Variants in POTEJ observed in about 807,000 individuals in gnomAD.
POTEJ encodes POTE ankyrin domain family member J.
POTEJ carries 11 observed loss-of-function variants against 69.0 expected under a neutral mutation model. The ratio of observed to expected loss-of-function variants is 0.16; its 90% CI spans 0.10 to 0.26. The LOEUF is 0.26. Ranked by LOEUF, POTEJ falls within the 10% of genes least tolerant of loss-of-function variation. POTEJ has a pLI of 1.00. For missense variants in POTEJ, 327 were observed against 1,045.5 expected, an observed-to-expected ratio of 0.31 and a Z score of 9.48; for synonymous variants, 117 against 381.1, an observed-to-expected ratio of 0.31 and a Z score of 8.07.
chr2:130,613,235 CATATATATACAT>C (rs1685279339), intron 1 of POTEJ, among the ~76,000 whole-genome samples: 1 of 125,320 alleles, frequency 8.0e-6, no homozygotes, highest in African/African-American at 2.8e-5. Context: ...GATATATATA[CATATATATACAT>C]ATATATACAC....
intron 14 of POTEJ, among the ~76,000 whole-genome samples, chr2:130,656,152 G>C (rs1686978473): frequency 6.9e-6 from 1 of 145,330 alleles, no homozygotes; most frequent in Non-Finnish European, 1.5e-5. Context: ...AGATATCAGA[G>C]TGTAAACCTA....
intron 3 of POTEJ, among the ~76,000 whole-genome samples, chr2:130,617,833 T>G (rs1685424950): frequency 6.6e-6 from 1 of 152,310 alleles, no homozygotes; most frequent in South Asian, 2.1e-4. Context: ...TTGTCGTTGT[T>G]GATTGATTTG....
At chr2:130,619,925 C>T (rs1187886145) in intron 3 of POTEJ, 120 bp from the exon 4 acceptor site, 1 of 1,474,506 alleles carries the variant, frequency 6.8e-7, no homozygotes, top group African/African-American at 1.4e-5. Context: ...AAGGAAGTGA[C>T]TACATTTTAT....
chr2:130,625,451 G>T (rs1463440885), intron 6 of POTEJ, among the ~76,000 whole-genome samples: 22 of 151,912 alleles, frequency 1.4e-4, no homozygotes, highest in Admixed American at 5.9e-4. Context: ...CCCACTGGAA[G>T]CTTATAATTA....
At chr2:130,645,459 G>T (rs1313139706) in intron 11 of POTEJ, among the ~76,000 whole-genome samples, 14 of 118,036 alleles carry the variant, frequency 1.2e-4, no homozygotes, top group Admixed American at 2.8e-4. Flanking sequence ...AGTTAAGTTT[G>T]CTGGTTCATG....
At chr2:130,641,875 C>A (rs573551181) in intron 10 of POTEJ, among the ~76,000 whole-genome samples, 1 of 152,220 alleles carries the variant, frequency 6.6e-6, no homozygotes, top group Non-Finnish European at 1.5e-5. Flanking sequence ...TGTGCATCAC[C>A]GTCTGTGACA....
chr2:130,625,730 T>A (rs1312585455), intron 6 of POTEJ, among the ~76,000 whole-genome samples: 2 of 142,396 alleles, frequency 1.4e-5, no homozygotes, highest in Non-Finnish European at 3.0e-5. Context: ...AGCAGTTCAC[T>A]TTTGCTAGTA....
chr2:130,636,334 T>A (rs1686089926), intron 9 of POTEJ, among the ~76,000 whole-genome samples: 1 of 152,086 alleles, frequency 6.6e-6, no homozygotes, highest in South Asian at 2.1e-4. Context: ...GAATGCTCTC[T>A]AAGGTAATCA....
At chr2:130,615,493 C>CTA (rs1427173582) in intron 1 of POTEJ, among the ~76,000 whole-genome samples, 1 of 135,950 alleles carries the variant, frequency 7.4e-6, no homozygotes, top group African/African-American at 3.1e-5. Flanking sequence ...CCTTAGCAAA[C>CTA]TAACATAGGA....
In POTEJ at chr2:130,657,469, C is replaced by T. The variant is rs746591495; in HGVS notation, c.2709C>T (p.Tyr903=). The T allele has an allele frequency of 5.6e-5, 88 of 1,579,008 alleles. 11 individuals are homozygous for T. Among genetic ancestry groups the T allele is most frequent in the South Asian group, 2.4e-4 (22 of 90,832 alleles). ...VASSSSLEKS[Y]ELPDGQVITI... ...CCAGCTCCTCCCTAGAGAAGAGCTACGAGCTGCCCGATGGCCAGGTCATCA... is the reference window on the plus strand; with the variant it reads ...CCAGCTCCTCCCTAGAGAAGAGCTATGAGCTGCCCGATGGCCAGGTCATCA... Residue 903 remains tyrosine (Y), a synonymous_variant, in exon 15 of 15, where the codon TAC becomes TAT. Coordinates refer to ENST00000409602, the MANE Select transcript of POTEJ (RefSeq NM_001277083.2).
At chr2:130,613,257 C>CATATATACATATATATACATATTT (rs759926575) in intron 1 of POTEJ, among the ~76,000 whole-genome samples, 1 of 99,100 alleles carries the variant, frequency 1.0e-5, no homozygotes. Flanking sequence ...TATATATACA[C>CATATATACATATATATACATATTT]ATATATACAT....
intron 8 of POTEJ, among the ~76,000 whole-genome samples, chr2:130,632,030 C>T (rs1228500556): frequency 6.9e-6 from 1 of 144,058 alleles, no homozygotes; most frequent in African/African-American, 2.7e-5. Context: ...AAAGGGCAAA[C>T]TTCCTTTCTA....
chr2:130,642,844 G>A (rs1378091352), intron 10 of POTEJ, among the ~76,000 whole-genome samples: 64 of 151,186 alleles, frequency 4.2e-4, no homozygotes, highest in Non-Finnish European at 2.8e-4. Flanking sequence ...GCTGCTGCGT[G>A]GCATGCCGTC....
chr2:130,613,328 GTATATATACATATATA>G (rs1558915602), intron 1 of POTEJ, among the ~76,000 whole-genome samples: 2 of 94,966 alleles, frequency 2.1e-5, no homozygotes, highest in African/African-American at 5.7e-5. Context: ...ATATACATAT[GTATATATACATATATA>G]TGTGTGTGTA....
chr2:130,624,403 A>G (rs1685629073), intron 6 of POTEJ, among the ~76,000 whole-genome samples: 1 of 143,544 alleles, frequency 7.0e-6, no homozygotes, highest in South Asian at 2.1e-4. Context: ...ATCTGGGGGC[A>G]AAGTGAGACA....
intron 14 of POTEJ, among the ~76,000 whole-genome samples, chr2:130,655,908 G>A (rs1315544938): frequency 4.4e-4 from 60 of 137,536 alleles, no homozygotes; most frequent in African/African-American, 1.6e-3. Context: ...TGAGTTCAGT[G>A]TTATATGTAG....
chr2:130,622,579 A>G (rs1287321223), intron 5 of POTEJ, among the ~76,000 whole-genome samples: 1 of 137,722 alleles, frequency 7.3e-6, no homozygotes, highest in Non-Finnish European at 1.6e-5. Context: ...AACCTTGGGC[A>G]GTAGAAAGTC....
At chr2:130,646,602 A>G (rs1207616886) in intron 13 of POTEJ, among the ~76,000 whole-genome samples, 21 of 145,672 alleles carry the variant, frequency 1.4e-4, no homozygotes, top group African/African-American at 5.3e-4. Context: ...TTATATAGGT[A>G]AACTGTATCA....
At chr2:130,634,316 T>C (rs1403438544) in intron 9 of POTEJ, among the ~76,000 whole-genome samples, 3 of 147,818 alleles carry the variant, frequency 2.0e-5, no homozygotes, top group Non-Finnish European at 4.5e-5. Flanking sequence ...TTTTCCACAG[T>C]GACTTCATAT....
Sources: allele counts gnomAD v4.1 joint callset (sites outside exome capture counted in the v4.1 genomes callset), GRCh38; gene constraint gnomAD v4.1.1; transcripts MANE v1.5; gene names NCBI Gene and HGNC (gene_info 2026-07-23, HGNC 2026-07-21).